The following C9 variants were observed in gnomAD, a reference collection of about 807,000 sequenced individuals.
The protein encoded by C9 is complement C9.
In C9, 63 loss-of-function variants were observed where a neutral mutation model predicts 65.4. The ratio of observed to expected loss-of-function variants is 0.96; its 90% CI spans 0.79 to 1.19. The LOEUF (loss-of-function observed/expected upper bound fraction) is 1.19, where lower values mean the gene tolerates loss of function less well. C9 is among the 50% of genes most tolerant of loss of function. The pLI is 0.00. For synonymous variants in C9, 229 were observed against 227.9 expected (o/e 1.00, Z -0.04); for missense variants, 744 against 670.1 (o/e 1.11, Z -1.22).
chr5:39,299,511 A>C (rs1753244975), intron 9 of C9, among the ~76,000 whole-genome samples: 2 of 152,114 alleles, frequency 1.3e-5, no homozygotes, highest in Non-Finnish European at 2.9e-5. Flanking sequence ...GAGCAATGAA[A>C]ATGAAAGGAA....
At chr5:39,348,241 G>A (rs1452172351) in intron 1 of C9, among the ~76,000 whole-genome samples, 6 of 152,144 alleles carry the variant, frequency 3.9e-5, no homozygotes, top group East Asian at 1.9e-4. Flanking sequence ...GCAACCTACA[G>A]AATGGGAGAA....
chr5:39,288,427 A>G (rs56028249), intron 10 of C9, among the ~76,000 whole-genome samples: 13,619 of 151,778 alleles, frequency 0.09, 646 homozygotes, highest in Non-Finnish European at 0.11. Context: ...TATATAGTGA[A>G]TACCTGATGT....
chr5:39,285,938 G>C (rs1314983123), intron 10 of C9, among the ~76,000 whole-genome samples: 1 of 152,036 alleles, frequency 6.6e-6, no homozygotes, highest in Non-Finnish European at 1.5e-5. Context: ...TTGGAAACTA[G>C]AACATTCTAT....
chr5:39,344,596 C>T (rs1754154484), intron 1 of C9, among the ~76,000 whole-genome samples: 1 of 152,200 alleles, frequency 6.6e-6, no homozygotes, highest in Non-Finnish European at 1.5e-5. Context: ...GGAAAACACT[C>T]TGCAGGATAT....
intron 9 of C9, among the ~76,000 whole-genome samples, chr5:39,300,223 G>A (rs1330869972): frequency 1.3e-5 from 2 of 151,992 alleles, no homozygotes; most frequent in Admixed American, 6.6e-5. Context: ...AAACAGCCTG[G>A]CCAGCATGGT....
intron 5 of C9, among the ~76,000 whole-genome samples, chr5:39,318,418 G>C (rs897010776): frequency 6.6e-6 from 1 of 152,158 alleles, no homozygotes; most frequent in Non-Finnish European, 1.5e-5. Context: ...ATCAGAGAGA[G>C]CATCCTTGTC....
chr5:39,349,531 A>G (rs1021133478), intron 1 of C9, among the ~76,000 whole-genome samples: 2 of 152,158 alleles, frequency 1.3e-5, no homozygotes, highest in Non-Finnish European at 2.9e-5. Context: ...CAAACTCTAC[A>G]TGCCCTTTTA....
In C9 at chr5:39,364,403, G is replaced by C. The variant is rs1460235579; in HGVS notation, c.62C>G (p.Ala21Gly). Reference protein sequence around the residue: ...ICILEISILTAQYTTSYDPEL... With the variant: ...ICILEISILTGQYTTSYDPEL... ...ACTGACTCACCTGGTCGTGTACTGT[G>C]CTGTGAGGATGCTTATTTCTAAAAT... The change falls in exon 1 of 11, where the codon GCA becomes GGA. Residue 21 changes from alanine (A) to glycine (G), a missense_variant. Physicochemically the swap from Ala to Gly is moderately conservative, Grantham distance 60. Transcript: ENST00000263408. The C allele has an allele frequency of 6.3e-7, 1 of 1,593,820 alleles. No individual in the cohort carries two copies. Among genetic ancestry groups the C allele is most frequent in the East Asian group, 2.2e-5 (1 of 44,838 alleles).
At chr5:39,308,098 A>C in intron 8 of C9, 132 bp downstream of exon 8, 1 of 860,008 alleles carries the variant, frequency 1.2e-6, no homozygotes, top group East Asian at 2.5e-5. Context: ...TGGTTTGAAA[A>C]CCGCTTTAAA....
At chr5:39,349,506 A>C (rs1336603116) in intron 1 of C9, among the ~76,000 whole-genome samples, 1 of 152,216 alleles carries the variant, frequency 6.6e-6, no homozygotes, top group East Asian at 1.9e-4. Flanking sequence ...TCCAAAGAAC[A>C]AGTCTTATCT....
At chr5:39,322,789 A>C (rs1753685506) in intron 5 of C9, among the ~76,000 whole-genome samples, 1 of 152,104 alleles carries the variant, frequency 6.6e-6, no homozygotes, top group Admixed American at 6.5e-5. Flanking sequence ...TTATCTTCTA[A>C]ACATTACAGT....
At chr5:39,358,087 C>G (rs1754442655) in intron 1 of C9, among the ~76,000 whole-genome samples, 1 of 152,110 alleles carries the variant, frequency 6.6e-6, no homozygotes, top group Non-Finnish European at 1.5e-5. Flanking sequence ...CCAGCTGCAG[C>G]CACCATCTGA....
Position 39,359,102 on chromosome 5 carries a change from G to GTGTATATATA in C9, c.77+5285_77+5286insTATATATACA, listed in dbSNP as rs1407613505. On this transcript the variant is annotated intron_variant, in intron 1 of 10. Transcript: ENST00000263408. Reference sequence around the variant, plus strand: ...TGTATATATATATGTGTGTGTGTGTGTATATATATATATATATATATATGT... The same window carrying GTGTATATATA: ...TGTATATATATATGTGTGTGTGTGTGTGTATATATATATATATATATATATATATATATGT... 1.1e-4 allele frequency among the ~76,000 whole-genome samples: 11 copies of GTGTATATATA among 103,666 alleles called. No homozygotes were observed. The East Asian group carries it at 1.4e-3, about 13-fold the overall frequency. 68.0% of individuals were successfully genotyped at this position (103,666 alleles called of 152,430 possible).
chr5:39,311,015 C>T, intron 7 of C9, 122 bp downstream of exon 7: 1 of 1,106,746 alleles, frequency 9.0e-7, no homozygotes, highest in Admixed American at 1.8e-5. Flanking sequence ...AGAGAGTCCT[C>T]TCAAAGGAGC....
At chr5:39,332,321 C>A (rs1466664570) in intron 4 of C9, among the ~76,000 whole-genome samples, 2 of 152,156 alleles carry the variant, frequency 1.3e-5, no homozygotes, top group Non-Finnish European at 2.9e-5. Flanking sequence ...TGTCTCATTG[C>A]TTGTCAAGAA....
intron 5 of C9, among the ~76,000 whole-genome samples, chr5:39,319,339 T>C (rs918610479): frequency 2.6e-5 from 4 of 152,188 alleles, no homozygotes; most frequent in Non-Finnish European, 4.4e-5. Flanking sequence ...AGATATAGGG[T>C]CCAGGCTTAA....
intron 1 of C9, among the ~76,000 whole-genome samples, chr5:39,359,019 T>TAAAAA (rs1269752220): frequency 0.034 from 560 of 16,500 alleles, 4 homozygotes; most frequent in African/African-American, 0.11. Flanking sequence ...AAATAAAAAA[T>TAAAAA]ATATATATAT....
intron 1 of C9, among the ~76,000 whole-genome samples, chr5:39,361,742 T>A (rs1754525159): frequency 6.6e-6 from 1 of 152,150 alleles, no homozygotes; most frequent in African/African-American, 2.4e-5. Flanking sequence ...TTGAGAAACA[T>A]AAGAGATGAT....
chr5:39,338,586 A>T (rs144181813), intron 4 of C9, among the ~76,000 whole-genome samples: 1,782 of 152,368 alleles, frequency 0.012, 38 homozygotes, highest in Non-Finnish European at 0.011. Context: ...TTTCATGAAG[A>T]CTAAATTTAA....
Sources: gnomAD v4.1 joint callset for allele counts (sites outside exome capture counted in the v4.1 genomes callset) on GRCh38, gnomAD v4.1.1 for gene constraint, MANE v1.5 for transcripts, NCBI Gene and HGNC (gene_info 2026-07-23, HGNC 2026-07-21) for gene names.